BANK1: variants seen among roughly 807,000 people sequenced by gnomAD.
BANK1 encodes B cell scaffold protein with ankyrin repeats 1.
In BANK1, 95 loss-of-function variants were observed where a neutral mutation model predicts 94.5. The observed-to-expected ratio is 1.00, with a 90% CI of 0.85 to 1.19. BANK1 has a LOEUF of 1.19. BANK1 is among the 50% of genes most tolerant of loss of function. The pLI, the probability that BANK1 is intolerant of heterozygous loss-of-function variation, is 0.00. For synonymous variants in BANK1, 334 were observed against 308.4 expected (o/e 1.08, Z -0.87); for missense variants, 987 against 932.2 (o/e 1.06, Z -0.77).
At chr4:102,004,645 G>C (rs929356099) in intron 7 of BANK1, among the ~76,000 whole-genome samples, 1 of 152,076 alleles carries the variant, frequency 6.6e-6, no homozygotes, top group African/African-American at 2.4e-5. Flanking sequence ...TTAATAAGTT[G>C]CCTGCTTTGC....
chr4:102,041,894 T>C (rs780752466), intron 10 of BANK1, among the ~76,000 whole-genome samples: 2 of 152,026 alleles, frequency 1.3e-5, no homozygotes, highest in African/African-American at 2.4e-5. Context: ...CAGTAACATA[T>C]AAGGTGTAAA....
Position 102,045,549 on chromosome 4 carries a change from T to C in BANK1, c.1969+1642T>C, listed in dbSNP as rs374677658. 2.5e-3 allele frequency among the ~76,000 whole-genome samples: 375 copies of C among 152,238 alleles called. 2 individuals are homozygous for C. The highest frequency in any genetic ancestry group is 6.8e-3 in the Middle Eastern group (2 of 294). ...ATTGTATATCTAGAAAACCCCATTG[T>C]CTCAGCCCAAAATCTCCTTAAGCTG... On this transcript the variant is annotated intron_variant, in intron 11 of 16. Coordinates refer to ENST00000322953, the MANE Select transcript of BANK1 (RefSeq NM_017935.5).
rs1463989362 is a variant in BANK1 at position 101,855,055 on chromosome 4, G to T, written c.490G>T (p.Val164Phe). The change falls in exon 3 of 17, where the codon GTC (valine) becomes TTC (phenylalanine). Residue 164 changes from valine to phenylalanine, a missense_variant. Physicochemically the swap from Val to Phe is conservative, Grantham distance 50. Transcript: ENST00000322953. ...TCTAGATTCTGAAGACTACTTTGAGGTCAACATTCCAACAGACCTACGAGC... is the reference window on the plus strand; with the variant it reads ...TCTAGATTCTGAAGACTACTTTGAGTTCAACATTCCAACAGACCTACGAGC... ...IFKDSEDYFE[V>F]NIPTDLRAKH... is the part of the protein sequence containing the mutation. 1 of 1,611,656 alleles carries T rather than the reference G, an allele frequency of 6.2e-7. No individual in the cohort carries two copies. The highest frequency in any genetic ancestry group is 8.5e-7 in the Non-Finnish European group (1 of 1,178,236).
At chr4:101,837,519 A>G (rs1726874137) in intron 2 of BANK1, among the ~76,000 whole-genome samples, 1 of 152,232 alleles carries the variant, frequency 6.6e-6, no homozygotes, top group African/African-American at 2.4e-5. Context: ...TGATTTAATA[A>G]TGTCACTCAA....
intron 1 of BANK1, among the ~76,000 whole-genome samples, chr4:101,800,510 C>G (rs1725323631): frequency 6.6e-6 from 1 of 151,988 alleles, no homozygotes; most frequent in African/African-American, 2.4e-5. Flanking sequence ...ATATATCATC[C>G]CTTCCTTTTT....
chr4:101,889,191 T>C (rs1721751214), intron 5 of BANK1, among the ~76,000 whole-genome samples: 2 of 152,228 alleles, frequency 1.3e-5, no homozygotes, highest in African/African-American at 4.8e-5. Context: ...ATCAAACTCA[T>C]GTATGTAGAA....
intron 7 of BANK1, among the ~76,000 whole-genome samples, chr4:101,929,236 G>T (rs796615177): frequency 6.6e-6 from 1 of 151,618 alleles, no homozygotes; most frequent in South Asian, 2.1e-4. Flanking sequence ...GTTAGGAATT[G>T]TTGGTGAGGG....
intron 13 of BANK1, among the ~76,000 whole-genome samples, chr4:102,066,432 A>AT (rs1480613703): frequency 2.0e-5 from 3 of 151,730 alleles, no homozygotes; most frequent in African/African-American, 7.3e-5. Context: ...AATTTTTTCT[A>AT]TTTTTTAGTA....
At position 102,014,026 on chromosome 4, in the gene BANK1, G is replaced by A. The variant is rs1726608313; in HGVS notation, c.1207-7488G>A. Among the ~76,000 whole-genome samples, 3 of 151,984 alleles carry A rather than the reference G, an allele frequency of 2.0e-5. No homozygotes were observed. The South Asian group carries it at 6.2e-4, about 31-fold the overall frequency. Reference sequence around the variant, plus strand: ...ACATCCAGAGAGGCCAAGAGAGAAGGATGTCCTTCAGTTCATGTAATTAAT... The same window carrying A: ...ACATCCAGAGAGGCCAAGAGAGAAGAATGTCCTTCAGTTCATGTAATTAAT... On this transcript the variant is annotated intron_variant, in intron 7 of 16. Transcript: ENST00000322953.
At chr4:101,988,941 A>T (rs1033722305) in intron 7 of BANK1, among the ~76,000 whole-genome samples, 6 of 152,188 alleles carry the variant, frequency 3.9e-5, no homozygotes, top group Non-Finnish European at 8.8e-5. Context: ...ACCCTCACCT[A>T]GCTTTACTGA....
chr4:102,043,689 T>A (rs1361945310), intron 10 of BANK1, 150 bp from the exon 11 acceptor site: 8 of 486,336 alleles, frequency 1.6e-5, no homozygotes, highest in African/African-American at 1.2e-4. Context: ...AAATTGTAAA[T>A]TTGATAATCT....
At chr4:101,799,243 G>A (rs533625588) in intron 1 of BANK1, among the ~76,000 whole-genome samples, 48 of 152,126 alleles carry the variant, frequency 3.2e-4, no homozygotes, top group African/African-American at 1.1e-3. Context: ...TCTTGTTTTT[G>A]TCAGGTTTGT....
At chr4:102,030,382 T>G (rs1277062664) in intron 10 of BANK1, 117 bp downstream of exon 10, 1 of 1,077,756 alleles carries the variant, frequency 9.3e-7, no homozygotes, top group Admixed American at 2.8e-5. Context: ...GTAAACATTT[T>G]TTTTCAAGTC....
chr4:101,870,481 T>A (rs1728240903), intron 4 of BANK1, 24 bp from the exon 5 acceptor site: 1 of 1,604,302 alleles, frequency 6.2e-7, no homozygotes, highest in African/African-American at 1.3e-5. Flanking sequence ...ACTCTGCCCC[T>A]AACCCTTGTT....
chr4:101,863,047 T>C (rs1009378516), intron 4 of BANK1, among the ~76,000 whole-genome samples: 1 of 151,892 alleles, frequency 6.6e-6, no homozygotes, highest in Non-Finnish European at 1.5e-5. Flanking sequence ...TCCCTTTCTT[T>C]CTTTTTTCCC....
intron 3 of BANK1, among the ~76,000 whole-genome samples, chr4:101,856,305 C>T (rs1205704547): frequency 6.6e-6 from 1 of 152,106 alleles, no homozygotes; most frequent in African/African-American, 2.4e-5. Context: ...ACCTTAGAGA[C>T]CCCAGGAAAC....
At position 101,845,296 on chromosome 4, in the gene BANK1, A is replaced by G. The variant is rs1479662624; in HGVS notation, c.470-9739A>G. 2.0e-5 allele frequency among the ~76,000 whole-genome samples: 3 copies of G among 152,202 alleles called. No homozygotes were observed. In the East Asian group the frequency reaches 5.8e-4, roughly 29 times the overall value. ...CTACATCACCAATTTATTTATGTAC[A>G]TATAGCAGTCAGATATTTTAAATTT... On this transcript the variant is annotated intron_variant, in intron 2 of 16. Coordinates refer to ENST00000322953, the MANE Select transcript of BANK1 (RefSeq NM_017935.5).
At position 102,024,406 on chromosome 4, in the gene BANK1, T is replaced by C. The variant is rs565149657; in HGVS notation, c.1286-795T>C. Among the ~76,000 whole-genome samples, 5 of 149,228 alleles carry C rather than the reference T, an allele frequency of 3.4e-5. No individual in the cohort carries two copies. In the East Asian group the frequency reaches 9.6e-4, roughly 29 times the overall value. ...TTTTATAAAGAAAATTTAATAAAAG[T>C]TTTTTCTGAAGATTTAAAGTCATTG... is the stretch of plus-strand genomic sequence containing the variant. On this transcript the variant is annotated intron_variant, in intron 8 of 16. Transcript: ENST00000322953.
intron 14 of BANK1, among the ~76,000 whole-genome samples, chr4:102,071,724 A>T (rs1024434629): frequency 6.6e-6 from 1 of 152,208 alleles, no homozygotes; most frequent in Non-Finnish European, 1.5e-5. Context: ...TGATAAAGCA[A>T]ATGAAATTTG....
Sources: allele counts gnomAD v4.1 joint callset (sites outside exome capture counted in the v4.1 genomes callset), GRCh38; gene constraint gnomAD v4.1.1; transcripts MANE v1.5; gene names NCBI Gene and HGNC (gene_info 2026-07-23, HGNC 2026-07-21).